Variants in SOCS7 observed in about 807,000 individuals in gnomAD.
The protein encoded by SOCS7 is suppressor of cytokine signaling 7.
Under a neutral mutation model 58.9 loss-of-function variants are expected in SOCS7, and 18 were observed. That is an observed-to-expected ratio of 0.31 (90% CI 0.21 to 0.45). The LOEUF is 0.45. Ranked by LOEUF, SOCS7 falls within the 20% of genes least tolerant of loss-of-function variation. SOCS7 has a pLI of 1.00. For missense variants in SOCS7, 667 were observed against 837.3 expected, an observed-to-expected ratio of 0.80 and a Z score of 2.51; for synonymous variants, 388 against 364.3, an observed-to-expected ratio of 1.06 and a Z score of -0.74.
chr17:38,386,275 G>A (rs1334099115), intron 7 of SOCS7, among the ~76,000 whole-genome samples: 1 of 138,802 alleles, frequency 7.2e-6, no homozygotes, highest in East Asian at 2.1e-4. Context: ...AATGAGCCAA[G>A]ATTGTGCCAC....
chr17:38,404,736 T>C lies in SOCS7; in HGVS notation c.*5254T>C, dbSNP rs2038368263. On this transcript the variant is annotated 3_prime_UTR_variant, in exon 10 of 10. Coordinates refer to ENST00000612932, the MANE Select transcript of SOCS7 (RefSeq NM_014598.4). ...TTTCGTCCTGAGCTCCCTAACCAGC[T>C]CAGGTGGAGCAGAAGCCTGCTCTCA... The C allele has an allele frequency of 6.6e-6, 1 of 152,262 alleles. No individual in the cohort carries two copies. Among genetic ancestry groups the C allele is most frequent in the Admixed American group, 6.5e-5 (1 of 15,272 alleles). 9.4% of individuals were successfully genotyped at this position (152,262 alleles called of 1,614,324 possible).
chr17:38,356,268 A>G lies in SOCS7; in HGVS notation c.980+3236A>G, dbSNP rs762335775. ...GTGGTAGTGTGCACCTGTAGTCCCAATACTTGGAAGGCAGAGGCAGGAGGA... is the reference window on the plus strand; with the variant it reads ...GTGGTAGTGTGCACCTGTAGTCCCAGTACTTGGAAGGCAGAGGCAGGAGGA... On this transcript the variant is annotated intron_variant, in intron 1 of 9. Transcript: ENST00000612932. Among the ~76,000 whole-genome samples, 47 of 151,898 alleles carry G rather than the reference A, an allele frequency of 3.1e-4. 1 individual carries two copies. The highest frequency in any genetic ancestry group is 2.2e-3 in the Admixed American group (33 of 15,268).
chr17:38,385,884 C>G (rs926980224), intron 7 of SOCS7, among the ~76,000 whole-genome samples: 2 of 152,104 alleles, frequency 1.3e-5, no homozygotes, highest in Non-Finnish European at 2.9e-5. Context: ...CTGATTCAAA[C>G]TCAGGCTTGA....
Position 38,368,057 on chromosome 17 carries a change from G to A in SOCS7, c.1552+7G>A. 6.3e-7 allele frequency: 1 copy of A among 1,593,272 alleles called. No homozygotes were observed. Among genetic ancestry groups the A allele is most frequent in the Non-Finnish European group, 8.6e-7 (1 of 1,166,282 alleles). On this transcript the variant is annotated splice_region_variant and intron_variant, in intron 6 of 9. Coordinates refer to ENST00000612932, the MANE Select transcript of SOCS7 (RefSeq NM_014598.4). ...AGAATGGAGCACTACAGAGGTAAGA[G>A]ATACTGGTAAGAGAGGCTTCTTCCC...
chr17:38,376,939 A>G (rs2037939423), intron 6 of SOCS7, among the ~76,000 whole-genome samples: 1 of 152,162 alleles, frequency 6.6e-6, no homozygotes, highest in South Asian at 2.1e-4. Context: ...AATACTTACC[A>G]TTCTTTAGAG....
chr17:38,403,305 G>C lies in SOCS7; in HGVS notation c.*3823G>C, dbSNP rs1167055080. 6.6e-6 allele frequency: 1 copy of C among 152,218 alleles called. No individual in the cohort carries two copies. The highest frequency in any genetic ancestry group is 2.4e-5 in the African/African-American group (1 of 41,400). The allele number at this position is 152,218 out of a possible 1,614,324, so 9.4% of individuals were successfully genotyped here. On this transcript the variant is annotated 3_prime_UTR_variant, in exon 10 of 10. Transcript: ENST00000612932. ...GTAACAGACATCCAGGAAGAATTAG[G>C]GAGTGGGGGTAATTATAGTTCCTAG... is the stretch of plus-strand genomic sequence containing the variant.
At position 38,363,050 on chromosome 17, in the gene SOCS7, G is replaced by A. The variant is rs116446486; in HGVS notation, c.1045+1275G>A. ...AATCGCTTGAACCCGAGAGGCTGAG[G>A]TTGCAGTAAGCAGAGATTTTGCCAC... On this transcript the variant is annotated intron_variant, in intron 2 of 9. Transcript: ENST00000612932. Among the ~76,000 whole-genome samples the A allele has an allele frequency of 9.9e-3, 1,510 of 152,102 alleles. 21 individuals carry two copies. Among genetic ancestry groups the A allele is most frequent in the African/African-American group, 0.033 (1,379 of 41,478 alleles).
At chr17:38,369,744 C>T (rs559356054) in intron 6 of SOCS7, among the ~76,000 whole-genome samples, 2 of 143,844 alleles carry the variant, frequency 1.4e-5, no homozygotes, top group Admixed American at 7.0e-5. Flanking sequence ...GGCACGATCT[C>T]GGCTCATTGC....
intron 1 of SOCS7, among the ~76,000 whole-genome samples, chr17:38,356,861 C>G (rs1335024702): frequency 6.6e-6 from 1 of 152,186 alleles, no homozygotes; most frequent in African/African-American, 2.4e-5. Flanking sequence ...GTTCCCATGT[C>G]TGTTTCTCAT....
intron 7 of SOCS7, among the ~76,000 whole-genome samples, chr17:38,387,133 G>GTGTATGTATATATATATATATA (rs1269515665): frequency 5.4e-5 from 4 of 73,484 alleles, no homozygotes; most frequent in Admixed American, 3.2e-4. Context: ...ATATATGTAT[G>GTGTATGTATATATATATATATA]TATATATATA....
chr17:38,399,352 G>T (rs2038289647), intron 9 of SOCS7, among the ~76,000 whole-genome samples, 161 bp from the exon 10 acceptor site: 1 of 152,212 alleles, frequency 6.6e-6, no homozygotes, highest in Non-Finnish European at 1.5e-5. Context: ...GGCCACTGCT[G>T]CATCCCTAGT....
chr17:38,401,281 A>G lies in SOCS7; in HGVS notation c.*1799A>G, dbSNP rs1313604989. ...TTCTTTCCTTGGCTTCCATGGTAGT[A>G]TTATCAACTAAGCAAGATTGTGATC... On this transcript the variant is annotated 3_prime_UTR_variant, in exon 10 of 10. Coordinates refer to ENST00000612932, the MANE Select transcript of SOCS7 (RefSeq NM_014598.4). 4 of 152,082 alleles carry G rather than the reference A, an allele frequency of 2.6e-5. No homozygotes were observed. The highest frequency in any genetic ancestry group is 6.5e-5 in the Admixed American group (1 of 15,278). 9.4% of individuals were successfully genotyped at this position (152,082 alleles called of 1,614,324 possible).
intron 7 of SOCS7, among the ~76,000 whole-genome samples, chr17:38,382,021 C>T (rs1285677127): frequency 6.8e-6 from 1 of 147,218 alleles, no homozygotes; most frequent in Non-Finnish European, 1.5e-5. Context: ...GAGAGTGTGA[C>T]TGATGTCACA....
intron 7 of SOCS7, among the ~76,000 whole-genome samples, chr17:38,387,557 C>G (rs2038092048): frequency 7.6e-6 from 1 of 132,194 alleles, no homozygotes; most frequent in Non-Finnish European, 1.6e-5. Context: ...TATATATACA[C>G]AATACATAAT....
chr17:38,385,576 A>G (rs949742979), intron 7 of SOCS7, among the ~76,000 whole-genome samples: 14 of 151,950 alleles, frequency 9.2e-5, no homozygotes, highest in African/African-American at 3.4e-4. Context: ...CGTGTGCCCC[A>G]TACTAATCTC....
chr17:38,395,708 A>G, intron 8 of SOCS7, 140 bp from the exon 9 acceptor site: 1 of 951,252 alleles, frequency 1.1e-6, no homozygotes, highest in Non-Finnish European at 1.6e-6. Context: ...TAAGGAAGAC[A>G]GAACTATAAT....
intron 4 of SOCS7, chr17:38,365,664 T>G (rs2037779996): frequency 2.7e-6 from 1 of 373,314 alleles, no homozygotes; most frequent in Admixed American, 4.6e-5. Context: ...TCTTTGCTGC[T>G]GAGACTGTTT....
At chr17:38,366,259 A>G in intron 4 of SOCS7, 28 bp from the exon 5 acceptor site, 1 of 1,610,894 alleles carries the variant, frequency 6.2e-7, no homozygotes, top group Non-Finnish European at 8.5e-7. Context: ...GAGGGTAAAC[A>G]AGTGACCACC....
intron 4 of SOCS7, 27 bp downstream of exon 4, chr17:38,365,436 G>C: frequency 1.3e-6 from 2 of 1,491,212 alleles, no homozygotes; most frequent in Non-Finnish European, 1.8e-6. Context: ...GGCAAGACTT[G>C]TAAGAGTTGG....
Sources: gnomAD v4.1 joint callset for allele counts (sites outside exome capture counted in the v4.1 genomes callset) on GRCh38, gnomAD v4.1.1 for gene constraint, MANE v1.5 for transcripts, NCBI Gene and HGNC (gene_info 2026-07-23, HGNC 2026-07-21) for gene names.